The following YIPF1 variants were observed in gnomAD, a reference collection of about 807,000 sequenced individuals.
YIPF1 encodes the protein Yip1 domain family member 1, also known as protein YIPF1.
Under a neutral mutation model 37.0 loss-of-function variants are expected in YIPF1, and 22 were observed. That is an observed-to-expected ratio of 0.59 (90% CI 0.42 to 0.85). The LOEUF (loss-of-function observed/expected upper bound fraction) is 0.85. YIPF1 is among the 40% of genes least tolerant of loss of function. The probability of loss-of-function intolerance (pLI) is 0.00; values close to 1 mark genes in which losing one functional copy is unlikely to be tolerated. For synonymous variants in YIPF1, 128 were observed against 131.9 expected, an observed-to-expected ratio of 0.97 and a Z score of 0.21; for missense variants, 355 against 373.1, an observed-to-expected ratio of 0.95 and a Z score of 0.40.
chr1:53,885,633 C>T (rs1479743730), intron 3 of YIPF1, among the ~76,000 whole-genome samples: 1 of 150,776 alleles, frequency 6.6e-6, no homozygotes, highest in African/African-American at 2.5e-5. Flanking sequence ...CCAGGCTGGC[C>T]AACATGGTAA....
At chr1:53,867,072 G>A in intron 7 of YIPF1, 148 bp from the exon 8 acceptor site, 1 of 954,594 alleles carries the variant, frequency 1.0e-6, no homozygotes, top group Non-Finnish European at 1.5e-6. Flanking sequence ...TGTAATCCCT[G>A]AGCTTGGTAC....
chr1:53,880,261 G>A (rs1446294116), intron 4 of YIPF1, among the ~76,000 whole-genome samples: 1 of 151,958 alleles, frequency 6.6e-6, no homozygotes, highest in Non-Finnish European at 1.5e-5. Context: ...CCTATACACC[G>A]ACAACAGGCA....
intron 7 of YIPF1, among the ~76,000 whole-genome samples, chr1:53,868,428 T>C (rs1234968991): frequency 6.6e-6 from 1 of 152,098 alleles, no homozygotes; most frequent in Admixed American, 6.6e-5. Flanking sequence ...GGAAGAAAAA[T>C]AATATACTAC....
chr1:53,880,266 C>T (rs1007190863), intron 4 of YIPF1, among the ~76,000 whole-genome samples: 1 of 151,942 alleles, frequency 6.6e-6, no homozygotes, highest in Non-Finnish European at 1.5e-5. Flanking sequence ...ACACCGACAA[C>T]AGGCAAGCAG....
At chr1:53,863,092 G>C (rs369609259) in intron 9 of YIPF1, among the ~76,000 whole-genome samples, 2 of 152,158 alleles carry the variant, frequency 1.3e-5, no homozygotes, top group Admixed American at 1.3e-4. Context: ...TCCTCTCCAG[G>C]AAGAGGCCCT....
intron 7 of YIPF1, among the ~76,000 whole-genome samples, chr1:53,868,110 C>T (rs534115572): frequency 6.6e-6 from 1 of 152,330 alleles, no homozygotes; most frequent in Admixed American, 6.5e-5. Flanking sequence ...CATGTTTTAG[C>T]TCCCAGAACA....
chr1:53,865,494 G>T (rs1649995323), intron 9 of YIPF1, among the ~76,000 whole-genome samples: 1 of 152,194 alleles, frequency 6.6e-6, no homozygotes, highest in Admixed American at 6.5e-5. Context: ...ATCTGGAAAT[G>T]ATGTAAAGCA....
At chr1:53,865,432 C>A (rs1311040023) in intron 9 of YIPF1, among the ~76,000 whole-genome samples, 1 of 152,054 alleles carries the variant, frequency 6.6e-6, no homozygotes, top group Non-Finnish European at 1.5e-5. Flanking sequence ...TTTTAAAATA[C>A]AGTATAATAA....
At chr1:53,868,550 T>C (rs1650092733) in intron 7 of YIPF1, among the ~76,000 whole-genome samples, 1 of 152,226 alleles carries the variant, frequency 6.6e-6, no homozygotes, top group African/African-American at 2.4e-5. Flanking sequence ...TTTTATATTG[T>C]TAACTAATAT....
chr1:53,882,429 CAA>C (rs1329037218), intron 4 of YIPF1, among the ~76,000 whole-genome samples: 20 of 151,878 alleles, frequency 1.3e-4, no homozygotes, highest in African/African-American at 4.8e-4. Flanking sequence ...TGGAGGTACT[CAA>C]GCAAGTGTTT....
intron 9 of YIPF1, among the ~76,000 whole-genome samples, chr1:53,863,244 A>G (rs2100723917): frequency 6.6e-6 from 1 of 152,292 alleles, no homozygotes; most frequent in African/African-American, 2.4e-5. Context: ...TTCAGGAGAG[A>G]TAAGAAGATG....
rs1251863788 is a variant in YIPF1, at chr1:53,852,137, T to C, written c.*142A>G. ...TAATTTCTGCTTGTTAAACGGGTGATTAGGCGCCAGTGTGGCACCATCCAG... is the reference window on the plus strand; with the variant it reads ...TAATTTCTGCTTGTTAAACGGGTGACTAGGCGCCAGTGTGGCACCATCCAG... On this transcript the variant is annotated 3_prime_UTR_variant, in exon 11 of 11. Transcript: ENST00000072644. The C allele has an allele frequency of 6.6e-6, 1 of 152,118 alleles. No individual in the cohort carries two copies. The highest frequency in any genetic ancestry group is 2.4e-5 in the African/African-American group (1 of 41,436). 9.4% of individuals were successfully genotyped at this position (152,118 alleles called of 1,614,324 possible).
rs563445834 is a variant in YIPF1 at position 53,867,563 on chromosome 1, G to A, written c.482-639C>T. Among the ~76,000 whole-genome samples, 332 of 151,918 alleles carry A rather than the reference G, an allele frequency of 2.2e-3. 2 individuals carry two copies. The highest frequency in any genetic ancestry group is 3.4e-3 in the Non-Finnish European group (228 of 67,954). On this transcript the variant is annotated intron_variant, in intron 7 of 10. Transcript: ENST00000072644. The stretch of plus-strand genomic sequence containing the variant: ...AATTTTTTGTATTTTTAGTAGAGAC[G>A]GGGTTTCACCGTGTTAGCCAGGATG...
chr1:53,883,031 C>G (rs781687468), intron 4 of YIPF1, 82 bp downstream of exon 4: 1 of 1,444,148 alleles, frequency 6.9e-7, no homozygotes, highest in Non-Finnish European at 9.2e-7. Flanking sequence ...TGACACTGTA[C>G]CTGGCACACA....
chr1:53,878,840 T>C, intron 4 of YIPF1, 118 bp from the exon 5 acceptor site: 2 of 856,072 alleles, frequency 2.3e-6, no homozygotes, highest in Non-Finnish European at 1.7e-6. Flanking sequence ...CAATAGGCTC[T>C]TCCACATTCA....
chr1:53,854,699 G>A (rs1649678108), intron 10 of YIPF1, among the ~76,000 whole-genome samples: 1 of 152,192 alleles, frequency 6.6e-6, no homozygotes, highest in South Asian at 2.1e-4. Context: ...GGAGGGTAAG[G>A]ACTGATCTCC....
chr1:53,883,974 T>C (rs184081340), intron 3 of YIPF1, among the ~76,000 whole-genome samples: 110 of 151,434 alleles, frequency 7.3e-4, no homozygotes, highest in African/African-American at 2.4e-3. Flanking sequence ...GAGGCAAAGG[T>C]TGCAGTGAGC....
chr1:53,889,723 T>C lies in YIPF1; in HGVS notation c.-280A>G, dbSNP rs1433160352. ...ACTCGGCAGCCTCACCTCGCGGGGT[T>C]AGGCGTCCCCCGGGTCCCGAGAAGG... On this transcript the variant is annotated 5_prime_UTR_variant, in exon 1 of 11. Transcript: ENST00000072644. The C allele has an allele frequency of 6.6e-6, 1 of 152,238 alleles. No individual in the cohort carries two copies. Among genetic ancestry groups the C allele is most frequent in the Admixed American group, 6.5e-5 (1 of 15,284 alleles). 9.4% of individuals were successfully genotyped at this position (152,238 alleles called of 1,614,324 possible).
At chr1:53,887,809 T>C (rs1650694854) in intron 3 of YIPF1, among the ~76,000 whole-genome samples, 1 of 152,234 alleles carries the variant, frequency 6.6e-6, no homozygotes, top group South Asian at 2.1e-4. Flanking sequence ...TTTCTGTGCC[T>C]CAGTCTCCTC....
Sources: allele counts gnomAD v4.1 joint callset (sites outside exome capture counted in the v4.1 genomes callset), GRCh38; gene constraint gnomAD v4.1.1; transcripts MANE v1.5; gene names NCBI Gene and HGNC (gene_info 2026-07-23, HGNC 2026-07-21).